Variants in KCNK3 observed in about 807,000 individuals in gnomAD.
KCNK3 encodes the protein potassium channel subfamily K member 3.
A neutral mutation model predicts 27.3 loss-of-function variants in KCNK3; 9 were observed. The observed-to-expected ratio is 0.33, with a 90% CI of 0.20 to 0.57. The LOEUF is 0.57. Ranked by LOEUF, KCNK3 falls within the 20% of genes least tolerant of loss-of-function variation. The pLI, the probability that KCNK3 is intolerant of heterozygous loss-of-function variation, is 0.87. For missense variants in KCNK3, 391 were observed against 577.7 expected (o/e 0.68, Z 3.31); for synonymous variants, 278 against 273.8 (o/e 1.02, Z -0.15).
At chr2:26,711,988 T>G (rs1663126267) in intron 1 of KCNK3, among the ~76,000 whole-genome samples, 1 of 151,972 alleles carries the variant, frequency 6.6e-6, no homozygotes, top group Non-Finnish European at 1.5e-5. Context: ...AAAAGCAAGC[T>G]CAGGACACCA....
chr2:26,728,658 T>C lies in KCNK3; in HGVS notation c.*90T>C, dbSNP rs898376327. ...ACTGCCCCTGCTGCCTTCTGCCCAGTGGGACCCCGCACAACATCCCTCACC... is the reference window on the plus strand; with the variant it reads ...ACTGCCCCTGCTGCCTTCTGCCCAGCGGGACCCCGCACAACATCCCTCACC... On this transcript the variant is annotated 3_prime_UTR_variant, in exon 2 of 2. Coordinates refer to ENST00000302909, the MANE Select transcript of KCNK3 (RefSeq NM_002246.3). 4.9e-5 allele frequency: 55 copies of C among 1,132,276 alleles called. No homozygotes were observed. Among genetic ancestry groups the C allele is most frequent in the Non-Finnish European group, 6.5e-5 (55 of 850,704 alleles). The allele number at this position is 1,132,276 out of a possible 1,614,324, so 70.1% of individuals were successfully genotyped here.
chr2:26,700,009 G>A (rs1168928256), intron 1 of KCNK3, among the ~76,000 whole-genome samples: 1 of 152,218 alleles, frequency 6.6e-6, no homozygotes, highest in Non-Finnish European at 1.5e-5. Flanking sequence ...GTGGCAGATG[G>A]GTACCAGGGT....
At chr2:26,701,339 G>A (rs1670305570) in intron 1 of KCNK3, among the ~76,000 whole-genome samples, 1 of 152,192 alleles carries the variant, frequency 6.6e-6, no homozygotes, top group African/African-American at 2.4e-5. Context: ...GGTGGAGCCG[G>A]GTGCTGTAGC....
rs59787737 is a variant in KCNK3 at position 26,717,117 on chromosome 2, T to C, written c.284-10550T>C. 2.3e-3 allele frequency among the ~76,000 whole-genome samples: 345 copies of C among 152,328 alleles called. 3 individuals are homozygous for C. Among genetic ancestry groups the C allele is most frequent in the African/African-American group, 8.0e-3 (332 of 41,570 alleles). On this transcript the variant is annotated intron_variant, in intron 1 of 1. Transcript: ENST00000302909. ...GGAAACAGTTTGCTGACCCCTGTCATACAGCAAGGTAATAGTAGAGCTAGG... is the reference window on the plus strand; with the variant it reads ...GGAAACAGTTTGCTGACCCCTGTCACACAGCAAGGTAATAGTAGAGCTAGG...
intron 1 of KCNK3, 47 bp from the exon 2 acceptor site, chr2:26,727,620 C>T: frequency 1.3e-6 from 2 of 1,511,460 alleles, no homozygotes; most frequent in Non-Finnish European, 1.8e-6. Flanking sequence ...TCTGGAAGGG[C>T]AGCCCCAAAA....
chr2:26,716,796 T>C lies in KCNK3; in HGVS notation c.284-10871T>C, dbSNP rs551823107. 3.9e-5 allele frequency among the ~76,000 whole-genome samples: 6 copies of C among 152,352 alleles called. No homozygotes were observed. In the East Asian group the frequency reaches 1.2e-3, roughly 29 times the overall value. On this transcript the variant is annotated intron_variant, in intron 1 of 1. Transcript: ENST00000302909. ...AAGAGACATAAGGGATCTTCTAATC[T>C]AACTTCTCTTTTGAAGGTAGGAAAA...
In KCNK3 at chr2:26,733,401, A is replaced by G. The variant is rs1001948690; in HGVS notation, c.*4833A>G. ...AAGGCATCTTAGCTTAATAAAGGTT[A>G]TGAAAAGTCTTGCAGCAAAGATGCT... On this transcript the variant is annotated 3_prime_UTR_variant, in exon 2 of 2. Coordinates refer to ENST00000302909, the MANE Select transcript of KCNK3 (RefSeq NM_002246.3). The G allele has an allele frequency of 6.6e-6, 1 of 152,228 alleles. No homozygotes were observed. The highest frequency in any genetic ancestry group is 1.5e-5 in the Non-Finnish European group (1 of 68,038). 9.4% of individuals were successfully genotyped at this position (152,228 alleles called of 1,614,324 possible).
chr2:26,707,929 C>T (rs1176526957), intron 1 of KCNK3, among the ~76,000 whole-genome samples: 1 of 152,156 alleles, frequency 6.6e-6, no homozygotes, highest in Non-Finnish European at 1.5e-5. Context: ...TCCCCTCAGG[C>T]ACCCACGCAG....
intron 1 of KCNK3, among the ~76,000 whole-genome samples, chr2:26,714,062 C>A (rs1424517591): frequency 6.7e-6 from 1 of 149,104 alleles, no homozygotes; most frequent in Non-Finnish European, 1.5e-5. Context: ...GGCAACAGTG[C>A]AAAACCTCTG....
chr2:26,718,161 T>C (rs972317287), intron 1 of KCNK3, among the ~76,000 whole-genome samples: 1 of 151,624 alleles, frequency 6.6e-6, no homozygotes, highest in African/African-American at 2.4e-5. Flanking sequence ...AACTGGACCA[T>C]GCAGAGGACC....
chr2:26,699,941 T>C (rs1254778632), intron 1 of KCNK3, among the ~76,000 whole-genome samples: 1 of 152,214 alleles, frequency 6.6e-6, no homozygotes, highest in Non-Finnish European at 1.5e-5. Flanking sequence ...CATGGAGTCA[T>C]GCAACCCCCA....
At chr2:26,720,483 C>A (rs1180600959) in intron 1 of KCNK3, among the ~76,000 whole-genome samples, 1 of 152,144 alleles carries the variant, frequency 6.6e-6, no homozygotes, top group African/African-American at 2.4e-5. Flanking sequence ...TTGGCTGCCG[C>A]AGGGATTTTC....
At chr2:26,712,434 C>G (rs113585701) in intron 1 of KCNK3, among the ~76,000 whole-genome samples, 55 of 152,248 alleles carry the variant, frequency 3.6e-4, no homozygotes, top group African/African-American at 1.2e-3. Context: ...TCTGTGTCCC[C>G]TTGGCTGGAG....
rs1162517083 is a variant in KCNK3 at position 26,732,146 on chromosome 2, G to C, written c.*3578G>C. 1.3e-5 allele frequency: 2 copies of C among 152,386 alleles called. No homozygotes were observed. The highest frequency in any genetic ancestry group is 2.1e-4 in the South Asian group (1 of 4,814). 9.4% of individuals were successfully genotyped at this position (152,386 alleles called of 1,614,324 possible). A position where few individuals can be genotyped will look rare whatever the true frequency, so the allele number is the denominator to read the frequency against. ...GAGAGCAGACCCACCTTATCCATCT[G>C]GTGCCAGCTCCCCAGGTCAGCTACA... is the stretch of plus-strand genomic sequence containing the variant. On this transcript the variant is annotated 3_prime_UTR_variant, in exon 2 of 2. Coordinates refer to ENST00000302909, the MANE Select transcript of KCNK3 (RefSeq NM_002246.3).
intron 1 of KCNK3, among the ~76,000 whole-genome samples, chr2:26,710,298 T>A (rs1024446220): frequency 2.6e-5 from 4 of 152,128 alleles, no homozygotes; most frequent in African/African-American, 9.7e-5. Context: ...AAGCGCACAG[T>A]CCATCGATGC....
At chr2:26,699,243 A>AAG (rs1307287569) in intron 1 of KCNK3, among the ~76,000 whole-genome samples, 2 of 150,874 alleles carry the variant, frequency 1.3e-5, no homozygotes, top group Non-Finnish European at 2.9e-5. Context: ...GAAAGAAAGA[A>AAG]AGAAAGAAAG....
chr2:26,722,698 G>C (rs1320841), intron 1 of KCNK3, among the ~76,000 whole-genome samples: 63,316 of 152,140 alleles, frequency 0.42, 15,017 homozygotes, highest in Non-Finnish European at 0.53. Context: ...GCAGATGTGT[G>C]CTTAATTAAT....
In KCNK3 at chr2:26,729,787, G is replaced by A. The variant is rs1333636680; in HGVS notation, c.*1219G>A. The A allele has an allele frequency of 6.9e-6, 1 of 144,724 alleles. No homozygotes were observed. The highest frequency in any genetic ancestry group is 1.5e-5 in the Non-Finnish European group (1 of 67,238). 9.0% of individuals were successfully genotyped at this position (144,724 alleles called of 1,614,324 possible). A position where few individuals can be genotyped will look rare whatever the true frequency, so the allele number is the denominator to read the frequency against. On this transcript the variant is annotated 3_prime_UTR_variant, in exon 2 of 2. Coordinates refer to ENST00000302909, the MANE Select transcript of KCNK3 (RefSeq NM_002246.3). ...GGAGGTCGAGGCTGTAGTGAGCCCTGATTGCACCACTGTACTCCAGCCTGG... is the reference window on the plus strand; with the variant it reads ...GGAGGTCGAGGCTGTAGTGAGCCCTAATTGCACCACTGTACTCCAGCCTGG...
At chr2:26,708,996 G>A (rs1663050306) in intron 1 of KCNK3, among the ~76,000 whole-genome samples, 1 of 152,134 alleles carries the variant, frequency 6.6e-6, no homozygotes, top group Non-Finnish European at 1.5e-5. Flanking sequence ...CTGGCTGATG[G>A]GTACGATACA....
Sources: allele counts gnomAD v4.1 joint callset (sites outside exome capture counted in the v4.1 genomes callset), GRCh38; gene constraint gnomAD v4.1.1; transcripts MANE v1.5; gene names NCBI Gene and HGNC (gene_info 2026-07-23, HGNC 2026-07-21).